Variants in SMARCC1 observed in about 807,000 individuals in gnomAD.
SMARCC1 encodes SWI/SNF complex subunit SMARCC1.
Under a neutral mutation model 147.4 loss-of-function variants are expected in SMARCC1, and 43 were observed. That is an observed-to-expected ratio of 0.29 (90% CI 0.23 to 0.38). SMARCC1 has a LOEUF of 0.38. Ranked by LOEUF, SMARCC1 falls within the 10% of genes least tolerant of loss-of-function variation. The pLI is 1.00. For missense variants in SMARCC1, 1,119 were observed against 1,381.1 expected, an observed-to-expected ratio of 0.81 and a Z score of 3.01; for synonymous variants, 495 against 484.4, an observed-to-expected ratio of 1.02 and a Z score of -0.29.
chr3:47,679,455 A>G (rs1290346437), intron 15 of SMARCC1, among the ~76,000 whole-genome samples: 1 of 152,202 alleles, frequency 6.6e-6, no homozygotes, highest in African/African-American at 2.4e-5. Context: ...ACATGCAGCT[A>G]TATCATCATA....
At chr3:47,732,640 A>G (rs918663585) in intron 5 of SMARCC1, among the ~76,000 whole-genome samples, 3 of 152,166 alleles carry the variant, frequency 2.0e-5, no homozygotes, top group Non-Finnish European at 4.4e-5. Context: ...GTCTCAGGGA[A>G]TAGGCAGGCT....
intron 11 of SMARCC1, among the ~76,000 whole-genome samples, chr3:47,697,787 C>T (rs1230182631): frequency 1.3e-5 from 2 of 151,620 alleles, no homozygotes; most frequent in East Asian, 2.0e-4. Flanking sequence ...GCGGGCGGAT[C>T]ATGAGGTCAG....
intron 2 of SMARCC1, among the ~76,000 whole-genome samples, chr3:47,747,497 C>T (rs1350926109): frequency 3.8e-5 from 1 of 26,512 alleles, no homozygotes; most frequent in Non-Finnish European, 1.6e-4. Flanking sequence ...ATTAGCCAGG[C>T]ATGGTGGCAC....
chr3:47,764,348 T>C (rs932761097), intron 2 of SMARCC1, among the ~76,000 whole-genome samples: 2 of 152,168 alleles, frequency 1.3e-5, no homozygotes, highest in South Asian at 2.1e-4. Flanking sequence ...ATATGTACTG[T>C]TCACTGTACA....
intron 9 of SMARCC1, among the ~76,000 whole-genome samples, chr3:47,707,472 G>GC (rs2034008138): frequency 6.6e-6 from 1 of 152,052 alleles, no homozygotes; most frequent in Non-Finnish European, 1.5e-5. Flanking sequence ...CCTGCATACA[G>GC]CAACTACCAA....
intron 7 of SMARCC1, among the ~76,000 whole-genome samples, chr3:47,716,652 T>A (rs546605095): frequency 6.6e-6 from 1 of 152,332 alleles, no homozygotes; most frequent in South Asian, 2.1e-4. Context: ...ACCAACTCTA[T>A]ACTTATGTAG....
intron 22 of SMARCC1, among the ~76,000 whole-genome samples, chr3:47,637,723 A>G (rs1020140036): frequency 6.7e-6 from 1 of 149,968 alleles, no homozygotes; most frequent in Admixed American, 6.6e-5. Context: ...AAAAAAAAAA[A>G]GGAATACAAA....
intron 6 of SMARCC1, among the ~76,000 whole-genome samples, chr3:47,728,279 G>A (rs745639547): frequency 1.6e-4 from 24 of 146,878 alleles, no homozygotes; most frequent in Admixed American, 6.2e-4. Flanking sequence ...GTAGAGATGG[G>A]GTTTCACCAT....
At chr3:47,650,072 C>A (rs1197645062) in intron 21 of SMARCC1, among the ~76,000 whole-genome samples, 1 of 151,310 alleles carries the variant, frequency 6.6e-6, no homozygotes, top group South Asian at 2.1e-4. Flanking sequence ...GTCAGGAGAT[C>A]GAGATCATCC....
intron 19 of SMARCC1, among the ~76,000 whole-genome samples, chr3:47,668,073 GA>G (rs1315492939): frequency 1.3e-5 from 2 of 151,714 alleles, no homozygotes; most frequent in African/African-American, 4.8e-5. Context: ...ATATTAACTT[GA>G]AAAAAAATTC....
chr3:47,660,239 G>C (rs1421353186), intron 21 of SMARCC1, among the ~76,000 whole-genome samples: 1 of 151,962 alleles, frequency 6.6e-6, no homozygotes, highest in Non-Finnish European at 1.5e-5. Context: ...GAGGTCAGGA[G>C]ATCGAGACCA....
chr3:47,692,526 C>T (rs2033802396), intron 12 of SMARCC1, among the ~76,000 whole-genome samples: 1 of 152,148 alleles, frequency 6.6e-6, no homozygotes, highest in Non-Finnish European at 1.5e-5. Flanking sequence ...CCTTAAAACT[C>T]ATATTCTTAT....
chr3:47,749,848 C>T (rs1172884367), intron 2 of SMARCC1, among the ~76,000 whole-genome samples: 2 of 151,334 alleles, frequency 1.3e-5, no homozygotes, highest in African/African-American at 2.4e-5. Flanking sequence ...TTTGGGAGGC[C>T]GAGGCGGGTG....
At chr3:47,616,343 C>T (rs1034705741) in intron 25 of SMARCC1, among the ~76,000 whole-genome samples, 3 of 152,224 alleles carry the variant, frequency 2.0e-5, no homozygotes, top group African/African-American at 7.2e-5. Context: ...CTGATATACT[C>T]TGTAACTTCC....
chr3:47,781,528 G>A (rs2035048436), intron 1 of SMARCC1, 75 bp downstream of exon 1: 4 of 1,098,596 alleles, frequency 3.6e-6, no homozygotes, highest in Middle Eastern at 2.6e-4. Flanking sequence ...GGGGCGGCCC[G>A]AGGCCCGCGA....
intron 19 of SMARCC1, among the ~76,000 whole-genome samples, chr3:47,666,798 C>T (rs1384708592): frequency 6.6e-6 from 1 of 152,006 alleles, no homozygotes; most frequent in African/African-American, 2.4e-5. Context: ...CAATGTGGCC[C>T]AGGGAAGCCA....
chr3:47,778,927 GC>G (rs2035010563), intron 1 of SMARCC1, among the ~76,000 whole-genome samples: 1 of 151,982 alleles, frequency 6.6e-6, no homozygotes, highest in African/African-American at 2.4e-5. Flanking sequence ...GGTTGAGGCT[GC>G]AGTGTGCTAT....
chr3:47,722,293 A>ATTTTTTTTTT lies in SMARCC1; in HGVS notation c.647-1568_647-1559dup, dbSNP rs34260316. Among the ~76,000 whole-genome samples the ATTTTTTTTTT allele has an allele frequency of 1.1e-4, 12 of 107,060 alleles. 2 individuals are homozygous for ATTTTTTTTTT. The highest frequency in any genetic ancestry group is 3.4e-4 in the Admixed American group (3 of 8,716). The allele number at this position is 107,060 out of a possible 152,430, so 70.2% of individuals were successfully genotyped here. A position where few individuals can be genotyped will look rare whatever the true frequency, so the allele number is the denominator to read the frequency against. On this transcript the variant is annotated intron_variant, in intron 6 of 27. Transcript: ENST00000254480. ...CAGCTGACTTTTGATACAAATTTTGATTTTTTTTTTTTTTTTTTTTTGAGA... is the reference window on the plus strand; with the variant it reads ...CAGCTGACTTTTGATACAAATTTTGATTTTTTTTTTTTTTTTTTTTTTTTTTTTTTTGAGA...
intron 21 of SMARCC1, among the ~76,000 whole-genome samples, chr3:47,651,802 A>T (rs764852974): frequency 1.3e-5 from 2 of 152,190 alleles, no homozygotes; most frequent in Non-Finnish European, 2.9e-5. Context: ...TATAAATATA[A>T]AATATAAAGG....
Sources: allele counts gnomAD v4.1 joint callset (sites outside exome capture counted in the v4.1 genomes callset), GRCh38; gene constraint gnomAD v4.1.1; transcripts MANE v1.5; gene names NCBI Gene and HGNC (gene_info 2026-07-23, HGNC 2026-07-21).